Variants in TANC2 observed in about 807,000 individuals in gnomAD.
TANC2 encodes tetratricopeptide repeat, ankyrin repeat and coiled-coil containing 2.
Under a neutral mutation model 210.5 loss-of-function variants are expected in TANC2, and 26 were observed. The ratio of observed to expected loss-of-function variants is 0.12; its 90% confidence interval spans 0.09 to 0.17. The LOEUF is 0.17. Ranked by LOEUF, TANC2 falls within the 10% of genes least tolerant of loss-of-function variation. TANC2 has a pLI of 1.00. For missense variants in TANC2, 2,129 were observed against 2,608.9 expected, an observed-to-expected ratio of 0.82 and a Z score of 4.01; for synonymous variants, 931 against 967.1, an observed-to-expected ratio of 0.96 and a Z score of 0.69.
intron 4 of TANC2, among the ~76,000 whole-genome samples, chr17:63,116,232 C>G (rs1255336414): frequency 6.6e-6 from 1 of 152,208 alleles, no homozygotes; most frequent in Admixed American, 6.5e-5. Context: ...GTGACCCATG[C>G]TTAATAAATC....
At chr17:63,224,383 C>T (rs2042275503) in intron 7 of TANC2, among the ~76,000 whole-genome samples, 1 of 151,844 alleles carries the variant, frequency 6.6e-6, no homozygotes, top group Non-Finnish European at 1.5e-5. Context: ...TCCCAAGTAG[C>T]TGGAATTACA....
chr17:63,009,731 C>T (rs770464721), intron 2 of TANC2, 105 bp downstream of exon 2: 10 of 951,940 alleles, frequency 1.1e-5, no homozygotes, highest in Non-Finnish European at 1.3e-5. Flanking sequence ...TAACTTAGAA[C>T]TTAAAAGAAA....
intron 2 of TANC2, among the ~76,000 whole-genome samples, chr17:63,027,169 T>C (rs976194469): frequency 1.3e-5 from 2 of 152,114 alleles, no homozygotes; most frequent in African/African-American, 4.8e-5. Flanking sequence ...TTAACAACAA[T>C]TTTTTTAAAG....
At chr17:63,386,717 C>T (rs1302891471) in intron 15 of TANC2, among the ~76,000 whole-genome samples, 1 of 152,070 alleles carries the variant, frequency 6.6e-6, no homozygotes, top group African/African-American at 2.4e-5. Context: ...TAGGAGTCAC[C>T]TCTTAGGATT....
intron 4 of TANC2, among the ~76,000 whole-genome samples, chr17:63,129,587 TGTGGTG>T (rs2038843334): frequency 1.3e-5 from 2 of 152,052 alleles, no homozygotes; most frequent in African/African-American, 4.8e-5. Context: ...ATTAGCTGGG[TGTGGTG>T]GTGCACACCT....
At chr17:63,324,275 T>C (rs1027576417) in intron 11 of TANC2, among the ~76,000 whole-genome samples, 1 of 152,184 alleles carries the variant, frequency 6.6e-6, no homozygotes, top group African/African-American at 2.4e-5. Context: ...AGGTTTTTTT[T>C]CCCAAGGAAA....
intron 4 of TANC2, among the ~76,000 whole-genome samples, chr17:63,143,565 G>A (rs2039363381): frequency 6.6e-6 from 1 of 152,096 alleles, no homozygotes; most frequent in Non-Finnish European, 1.5e-5. Flanking sequence ...ATTTTAATCA[G>A]TAGAAAACTT....
intron 1 of TANC2, among the ~76,000 whole-genome samples, chr17:62,970,721 G>A (rs553650686): frequency 4.6e-5 from 7 of 152,178 alleles, no homozygotes; most frequent in Non-Finnish European, 8.8e-5. Flanking sequence ...GAATTAAAAT[G>A]AGATCTGAGA....
intron 19 of TANC2, 41 bp downstream of exon 19, chr17:63,398,955 T>C: frequency 7.0e-7 from 1 of 1,423,004 alleles, no homozygotes; most frequent in Non-Finnish European, 9.7e-7. Flanking sequence ...GTGTTGTGTT[T>C]GTGTGGACTC....
At chr17:63,263,953 G>A (rs10506521) in intron 8 of TANC2, among the ~76,000 whole-genome samples, 22,755 of 152,152 alleles carry the variant, frequency 0.15, 2,023 homozygotes, top group Middle Eastern at 0.21. Context: ...AAACTATACG[G>A]AAATATAACA....
intron 3 of TANC2, 60 bp downstream of exon 3, chr17:63,074,074 A>G (rs2036492764): frequency 2.9e-6 from 4 of 1,401,122 alleles, no homozygotes; most frequent in South Asian, 1.3e-5. Flanking sequence ...ATTTCTTTCT[A>G]GTACTTAATT....
intron 2 of TANC2, among the ~76,000 whole-genome samples, chr17:63,065,933 C>G (rs1441625732): frequency 6.6e-6 from 1 of 152,058 alleles, no homozygotes; most frequent in Non-Finnish European, 1.5e-5. Context: ...CTCTGTCGCC[C>G]AGACTGGAGT....
At chr17:63,039,362 C>CAT (rs2035094516) in intron 2 of TANC2, among the ~76,000 whole-genome samples, 1 of 152,158 alleles carries the variant, frequency 6.6e-6, no homozygotes, top group Non-Finnish European at 1.5e-5. Context: ...AATCATCTGG[C>CAT]ATACTCTTGT....
chr17:63,142,855 G>A (rs1296807450), intron 4 of TANC2, among the ~76,000 whole-genome samples: 1 of 152,080 alleles, frequency 6.6e-6, no homozygotes, highest in African/African-American at 2.4e-5. Context: ...ATTAAACTCC[G>A]ATGAGTTGGG....
chr17:63,113,333 A>C (rs1477172327), intron 4 of TANC2, among the ~76,000 whole-genome samples: 1 of 152,190 alleles, frequency 6.6e-6, no homozygotes, highest in East Asian at 1.9e-4. Context: ...GTGGCATGGC[A>C]GAGTAACTCC....
intron 14 of TANC2, among the ~76,000 whole-genome samples, chr17:63,376,408 T>C (rs1487177480): frequency 1.3e-5 from 2 of 152,128 alleles, no homozygotes; most frequent in South Asian, 2.1e-4. Flanking sequence ...TGATAGCTGA[T>C]AGTTTTATAA....
chr17:63,111,539 A>G (rs1183619093), intron 4 of TANC2, among the ~76,000 whole-genome samples: 1 of 152,072 alleles, frequency 6.6e-6, no homozygotes, highest in Non-Finnish European at 1.5e-5. Context: ...TTCGTGGACA[A>G]TATTGTTAGA....
chr17:63,011,426 T>A (rs949430085), intron 2 of TANC2, among the ~76,000 whole-genome samples: 1 of 152,244 alleles, frequency 6.6e-6, no homozygotes, highest in Non-Finnish European at 1.5e-5. Context: ...TCACAGTTAC[T>A]GGATTCAGTG....
At chr17:63,106,365 T>C (rs964450873) in intron 4 of TANC2, among the ~76,000 whole-genome samples, 1 of 151,476 alleles carries the variant, frequency 6.6e-6, no homozygotes, top group Admixed American at 6.6e-5. Context: ...GTAAAGAATG[T>C]TGGGGATTTA....
Sources: allele counts gnomAD v4.1 joint callset (sites outside exome capture counted in the v4.1 genomes callset), GRCh38; gene constraint gnomAD v4.1.1; transcripts MANE v1.5; gene names NCBI Gene and HGNC (gene_info 2026-07-23, HGNC 2026-07-21).